The following SGCD variants were observed in gnomAD, a reference collection of about 807,000 sequenced individuals.
SGCD encodes the protein sarcoglycan delta, also known as delta-sarcoglycan.
A neutral mutation model predicts 36.6 loss-of-function variants in SGCD; 18 were observed. The observed-to-expected ratio is 0.49, with a 90% CI of 0.34 to 0.73. SGCD has a LOEUF of 0.73. Among genes scored for constraint, SGCD ranks in the 30% least tolerant of loss-of-function variants. The pLI, the probability that SGCD is intolerant of heterozygous loss-of-function variation, is 0.01. For synonymous variants in SGCD, 133 were observed against 130.6 expected, an observed-to-expected ratio of 1.02 and a Z score of -0.12; for missense variants, 387 against 346.7, an observed-to-expected ratio of 1.12 and a Z score of -0.92.
chr5:155,864,889 A>G, the SGCD span, among the ~76,000 whole-genome samples: 2 of 152,206 alleles, frequency 1.3e-5, no homozygotes, highest in South Asian at 2.1e-4. Flanking sequence ...AAATGCTTGT[A>G]AGAAACTAAT....
At chr5:156,695,534 T>C (rs1212313743) in intron 7 of SGCD, among the ~76,000 whole-genome samples, 1 of 134,116 alleles carries the variant, frequency 7.5e-6, no homozygotes, top group African/African-American at 3.2e-5. Context: ...GATAGATAGA[T>C]AGATAGATAG....
At chr5:155,783,023 C>T in the SGCD span, among the ~76,000 whole-genome samples, 1 of 152,108 alleles carries the variant, frequency 6.6e-6, no homozygotes, top group South Asian at 2.1e-4. Context: ...GAGGATTCAT[C>T]TGGAACTAGA....
At chr5:156,131,362 G>A (rs939683803) in intron 3 of SGCD, among the ~76,000 whole-genome samples, 1 of 152,172 alleles carries the variant, frequency 6.6e-6, no homozygotes, top group Non-Finnish European at 1.5e-5. Context: ...TTCATTCATA[G>A]GATGGGGATG....
intron 4 of SGCD, among the ~76,000 whole-genome samples, chr5:156,583,245 G>C (rs193113631): frequency 7.0e-4 from 106 of 152,212 alleles, no homozygotes; most frequent in African/African-American, 2.4e-3. Flanking sequence ...TTCCAAAGCT[G>C]AACCTTCAAG....
intron 4 of SGCD, among the ~76,000 whole-genome samples, chr5:156,516,633 C>G (rs570554594): frequency 6.6e-6 from 1 of 152,158 alleles, no homozygotes; most frequent in Non-Finnish European, 1.5e-5. Flanking sequence ...CAGCACCTTT[C>G]TAGCAAGGAC....
intron 3 of SGCD, among the ~76,000 whole-genome samples, chr5:156,228,979 G>A (rs1157155367): frequency 6.6e-6 from 1 of 151,942 alleles, no homozygotes; most frequent in African/African-American, 2.4e-5. Flanking sequence ...GACCCTTAGA[G>A]TAGGCACAGT....
At chr5:156,470,473 C>T (rs1199532496) in intron 3 of SGCD, among the ~76,000 whole-genome samples, 1 of 152,038 alleles carries the variant, frequency 6.6e-6, no homozygotes, top group East Asian at 1.9e-4. Context: ...AGTTATATCT[C>T]CTAATGCTAT....
chr5:156,231,479 T>C (rs1379466470), intron 3 of SGCD, among the ~76,000 whole-genome samples: 1 of 152,118 alleles, frequency 6.6e-6, no homozygotes, highest in Non-Finnish European at 1.5e-5. Flanking sequence ...GAGGTTGCAG[T>C]GAGCTGAGAT....
chr5:155,851,814 A>G, the SGCD span, among the ~76,000 whole-genome samples: 1 of 152,152 alleles, frequency 6.6e-6, no homozygotes, highest in African/African-American at 2.4e-5. Flanking sequence ...TCTGTGGGAA[A>G]CGGTGTAGTA....
intron 1 of SGCD, among the ~76,000 whole-genome samples, chr5:156,013,916 T>G (rs1480811914): frequency 6.6e-6 from 1 of 152,156 alleles, no homozygotes; most frequent in African/African-American, 2.4e-5. Flanking sequence ...CTTTGTGTCT[T>G]TGTGTGTACG....
intron 1 of SGCD, among the ~76,000 whole-genome samples, chr5:155,986,501 A>C (rs1758333255): frequency 6.6e-6 from 1 of 152,200 alleles, no homozygotes. Flanking sequence ...TGAGCATGGC[A>C]TCAGGCTCCT....
At position 156,055,021 on chromosome 5, in the gene SGCD, G is replaced by A. The variant is rs754493747; in HGVS notation, c.-281-62857G>A. 7.7e-4 allele frequency among the ~76,000 whole-genome samples: 113 copies of A among 146,308 alleles called. 13 individuals carry two copies. The Middle Eastern group carries it at 0.014, about 19-fold the overall frequency. On this transcript the variant is annotated intron_variant, in intron 1 of 9. Transcript: ENST00000517913. The stretch of plus-strand genomic sequence containing the variant: ...GTTTTAAGCCCACCCTGTCCCTGTT[G>A]TGTGTGACAGGGAGCCAAAAATATG...
upstream of SGCD, among the ~76,000 whole-genome samples, chr5:156,324,010 G>A (rs186458838): frequency 6.6e-6 from 1 of 152,104 alleles, no homozygotes; most frequent in Non-Finnish European, 1.5e-5. Context: ...ACTCATATAG[G>A]TGGAAAGAAT....
intron 1 of SGCD, among the ~76,000 whole-genome samples, chr5:155,897,671 A>AT (rs901828830): frequency 1.7e-4 from 25 of 150,148 alleles, no homozygotes; most frequent in East Asian, 3.9e-4. Flanking sequence ...AAAATTTTTA[A>AT]TTTTTTTTTT....
chr5:156,054,521 G>A lies in SGCD; in HGVS notation c.-281-63357G>A, dbSNP rs187889459. On this transcript the variant is annotated intron_variant, in intron 1 of 9. Transcript: ENST00000517913. Reference sequence around the variant, plus strand: ...AGGATGGTCTCAATCTCCTGACCTCGTGATCCACCCGCCTCAGCCTCCCAA... The same window carrying A: ...AGGATGGTCTCAATCTCCTGACCTCATGATCCACCCGCCTCAGCCTCCCAA... Among the ~76,000 whole-genome samples, 579 of 145,874 alleles carry A rather than the reference G, an allele frequency of 4.0e-3. 38 individuals are homozygous for A. Among genetic ancestry groups the A allele is most frequent in the African/African-American group, 0.013 (542 of 40,668 alleles).
intron 1 of SGCD, among the ~76,000 whole-genome samples, chr5:155,939,218 C>T (rs1182281328): frequency 6.6e-6 from 1 of 152,186 alleles, no homozygotes; most frequent in Non-Finnish European, 1.5e-5. Flanking sequence ...GTTCTCAAAA[C>T]AAACAAATGA....
intron 3 of SGCD, chr5:156,393,980 A>G (rs1771720071): frequency 2.8e-6 from 1 of 362,080 alleles, no homozygotes; most frequent in Admixed American, 3.5e-5. Context: ...GCAGTAAAAG[A>G]CAAAGATGCA....
chr5:156,414,643 G>A (rs35414747), intron 3 of SGCD, among the ~76,000 whole-genome samples: 112,925 of 152,182 alleles, frequency 0.74, 43,092 homozygotes, highest in African/African-American at 0.92. Context: ...TTCCAATAAA[G>A]CTTTTCACAG....
chr5:156,383,830 A>G (rs1771125800), intron 3 of SGCD, among the ~76,000 whole-genome samples: 2 of 152,118 alleles, frequency 1.3e-5, no homozygotes, highest in Admixed American at 1.3e-4. Context: ...TTGATGAGTC[A>G]CCAGATGCCA....
Sources: allele counts gnomAD v4.1 joint callset (sites outside exome capture counted in the v4.1 genomes callset), GRCh38; gene constraint gnomAD v4.1.1; transcripts MANE v1.5; gene names NCBI Gene and HGNC (gene_info 2026-07-23, HGNC 2026-07-21).